The following DUSP22 variants were observed in gnomAD, a reference collection of about 807,000 sequenced individuals.
DUSP22 encodes the protein dual specificity phosphatase 22.
In DUSP22, 24 loss-of-function variants were observed where a neutral mutation model predicts 24.5. The ratio of observed to expected loss-of-function variants is 0.98; its 90% confidence interval spans 0.71 to 1.38. DUSP22 has a LOEUF of 1.38. Ranked by LOEUF, DUSP22 falls within the 40% of genes most tolerant of loss-of-function variation. The pLI is 0.00. For synonymous variants in DUSP22, 160 were observed against 106.4 expected (o/e 1.50, Z -3.10); for missense variants, 330 against 269.2 (o/e 1.23, Z -1.58).
At chr6:299,039 C>T (rs1168717454) in intron 1 of DUSP22, among the ~76,000 whole-genome samples, 3 of 152,304 alleles carry the variant, frequency 2.0e-5, no homozygotes, top group Admixed American at 6.5e-5. Context: ...GGAACAGTGT[C>T]CCCAGCAAAG....
At chr6:294,499 C>T (rs549038362) in intron 1 of DUSP22, among the ~76,000 whole-genome samples, 7 of 152,358 alleles carry the variant, frequency 4.6e-5, no homozygotes, top group Middle Eastern at 3.4e-3. Flanking sequence ...AAAAATAAAC[C>T]GGTGAAATTA....
At position 348,980 on chromosome 6, in the gene DUSP22, C is replaced by T. The variant is rs1296349706; in HGVS notation, c.*29C>T. On this transcript the variant is annotated 3_prime_UTR_variant, in exon 7 of 7. Transcript: ENST00000419235. ...AAGCGACCTGCTGCCTTCCTTCCCA[C>T]TGCTTGTCTTCAGTGTGCCCGGCTG... 2 of 1,558,332 alleles carry T rather than the reference C, an allele frequency of 1.3e-6. No homozygotes were observed. The highest frequency in any genetic ancestry group is 1.7e-6 in the Non-Finnish European group (2 of 1,150,838).
Position 348,831 on chromosome 6 carries a change from A to G in DUSP22, c.498A>G (p.Lys166=), listed in dbSNP as rs779850067. The change falls in exon 7 of 7, where the codon AAA becomes AAG. Residue 166 remains lysine (K), a synonymous_variant. Transcript: ENST00000419235. ...CTTTGCAGGATGCAGAAGAAGCCAAAAACATTCTGGGTAAATATAAGGAGC... is the reference window on the plus strand; with the variant it reads ...CTTTGCAGGATGCAGAAGAAGCCAAGAACATTCTGGGTAAATATAAGGAGC... ...ESPLQDAEEA[K]NILGKYKEQG... The G allele has an allele frequency of 6.2e-7, 1 of 1,614,200 alleles. No individual in the cohort carries two copies. The highest frequency in any genetic ancestry group is 1.3e-5 in the African/African-American group (1 of 74,966).
chr6:345,264 C>T (rs964865876), intron 4 of DUSP22, among the ~76,000 whole-genome samples: 45 of 150,108 alleles, frequency 3.0e-4, no homozygotes, highest in Non-Finnish European at 5.3e-4. Context: ...GGCTGGAGTG[C>T]AGTCGTGTGA....
intron 2 of DUSP22, among the ~76,000 whole-genome samples, chr6:306,449 A>G (rs554087854): frequency 1.3e-5 from 2 of 152,308 alleles, no homozygotes; most frequent in Non-Finnish European, 2.9e-5. Context: ...GACTCCTTGC[A>G]AGTTCCTGGA....
At chr6:302,404 C>T (rs1757623836) in intron 1 of DUSP22, among the ~76,000 whole-genome samples, 1 of 152,306 alleles carries the variant, frequency 6.6e-6, no homozygotes, top group African/African-American at 2.4e-5. Context: ...CCACTCCCTC[C>T]AGTAGAGACA....
chr6:325,221 G>T (rs1001907977), intron 3 of DUSP22: 3 of 253,748 alleles, frequency 1.2e-5, no homozygotes, highest in Non-Finnish European at 2.2e-5. Flanking sequence ...TCCGCGTCCT[G>T]GTGTGTGCAG....
chr6:299,738 T>A, intron 1 of DUSP22, among the ~76,000 whole-genome samples: 1 of 152,306 alleles, frequency 6.6e-6, no homozygotes, highest in Non-Finnish European at 1.5e-5. Context: ...CCTCCTCAGG[T>A]CAGACTTCCC....
At chr6:322,881 T>G in intron 3 of DUSP22, among the ~76,000 whole-genome samples, 1 of 149,564 alleles carries the variant, frequency 6.7e-6, no homozygotes, top group East Asian at 2.0e-4. Context: ...AATGGGAAGT[T>G]AAAGGGGGTA....
chr6:300,840 A>G (rs1030722518), intron 1 of DUSP22, among the ~76,000 whole-genome samples: 3 of 152,306 alleles, frequency 2.0e-5, no homozygotes, highest in African/African-American at 7.2e-5. Context: ...TAGGTAGAAC[A>G]GGGCAGACAG....
At chr6:303,854 G>C (rs751400224) in intron 1 of DUSP22, among the ~76,000 whole-genome samples, 3 of 152,304 alleles carry the variant, frequency 2.0e-5, no homozygotes, top group Non-Finnish European at 4.4e-5. Context: ...GGGGCTGGAG[G>C]TGGAGAGGAG....
At chr6:303,440 C>T (rs562060364) in intron 1 of DUSP22, among the ~76,000 whole-genome samples, 1,060 of 152,004 alleles carry the variant, frequency 7.0e-3, no homozygotes, top group African/African-American at 0.024. Flanking sequence ...CCTGCAATCA[C>T]TAGACATGAG....
intron 2 of DUSP22, among the ~76,000 whole-genome samples, chr6:310,424 T>A (rs897607002): frequency 6.6e-6 from 1 of 152,310 alleles, no homozygotes; most frequent in Non-Finnish European, 1.5e-5. Flanking sequence ...TTGGTCTTCT[T>A]TTTGCAGGTA....
chr6:322,223 C>T (rs1758628123), intron 3 of DUSP22, among the ~76,000 whole-genome samples: 1 of 152,308 alleles, frequency 6.6e-6, no homozygotes, highest in East Asian at 1.9e-4. Flanking sequence ...GCTAGGACAG[C>T]ATGACTAGGG....
At chr6:298,784 G>A (rs1363725540) in intron 1 of DUSP22, among the ~76,000 whole-genome samples, 17 of 152,422 alleles carry the variant, frequency 1.1e-4, no homozygotes, top group Admixed American at 6.5e-4. Flanking sequence ...TTTCGTCACC[G>A]TTTATTCAGA....
At position 349,656 on chromosome 6, in the gene DUSP22, T is replaced by C; in HGVS notation, c.*705T>C. On this transcript the variant is annotated 3_prime_UTR_variant, in exon 7 of 7. Coordinates refer to ENST00000419235, the MANE Select transcript of DUSP22 (RefSeq NM_001286555.3). ...GAGAGACTGCCCTGAGCTGGTCCAGTGGGCCAGCACTTTATACCAACTCAG... is the reference window on the plus strand; with the variant it reads ...GAGAGACTGCCCTGAGCTGGTCCAGCGGGCCAGCACTTTATACCAACTCAG... The C allele has an allele frequency of 1.0e-6, 1 of 986,352 alleles. No homozygotes were observed. Among genetic ancestry groups the C allele is most frequent in the Non-Finnish European group, 1.2e-6 (1 of 830,604 alleles). The allele number at this position is 986,352 out of a possible 1,614,324, so 61.1% of individuals were successfully genotyped here.
intron 1 of DUSP22, among the ~76,000 whole-genome samples, chr6:302,460 G>GCC (rs1241859983): frequency 6.6e-6 from 1 of 152,308 alleles, no homozygotes; most frequent in Non-Finnish European, 1.5e-5. Flanking sequence ...CTCCCTGTCT[G>GCC]CCCACTGCTC....
intron 4 of DUSP22, among the ~76,000 whole-genome samples, chr6:335,908 C>A (rs1411460994): frequency 6.6e-6 from 1 of 152,302 alleles, no homozygotes; most frequent in Non-Finnish European, 1.5e-5. Context: ...GCAGAATAAA[C>A]CTTTGATGTT....
In DUSP22 at chr6:350,910, A is replaced by T; in HGVS notation, c.*1959A>T. 1 of 1,612,222 alleles carries T rather than the reference A, an allele frequency of 6.2e-7. No individual in the cohort carries two copies. On this transcript the variant is annotated 3_prime_UTR_variant, in exon 7 of 7. Coordinates refer to ENST00000419235, the MANE Select transcript of DUSP22 (RefSeq NM_001286555.3). ...GAAATATTGCAAACCCACAGAGTTT[A>T]GGCTGGTGCTGCCAAAAAGAAAAGC... is the stretch of plus-strand genomic sequence containing the variant.
Sources: gnomAD v4.1 joint callset for allele counts (sites outside exome capture counted in the v4.1 genomes callset) on GRCh38, gnomAD v4.1.1 for gene constraint, MANE v1.5 for transcripts, NCBI Gene and HGNC (gene_info 2026-07-23, HGNC 2026-07-21) for gene names.